The following UMODL1 variants were observed in gnomAD, a reference collection of about 807,000 sequenced individuals.
UMODL1 encodes the protein uromodulin-like 1.
A neutral mutation model predicts 136.3 loss-of-function variants in UMODL1; 128 were observed. That is an observed-to-expected ratio of 0.94 (90% CI 0.81 to 1.09). The LOEUF (loss-of-function observed/expected upper bound fraction) is 1.09. UMODL1 is among the 50% of genes least tolerant of loss of function. The pLI is 0.00. For missense variants in UMODL1, 1,766 were observed against 1,725.6 expected (o/e 1.02, Z -0.41); for synonymous variants, 721 against 720.0 (o/e 1.00, Z -0.02).
chr21:42,113,455 C>G (rs551807793), intron 12 of UMODL1, 118 bp from the exon 13 acceptor site: 1 of 1,304,486 alleles, frequency 7.7e-7, no homozygotes, highest in East Asian at 2.4e-5. Flanking sequence ...CGGCGGCCAT[C>G]ACCTGCAAAT....
intron 14 of UMODL1, among the ~76,000 whole-genome samples, chr21:42,117,489 G>A (rs1016706526): frequency 2.0e-5 from 3 of 152,208 alleles, no homozygotes; most frequent in Non-Finnish European, 4.4e-5. Context: ...TTAGTGACAT[G>A]CCTTCTTGTG....
Position 42,126,987 on chromosome 21 carries a change from A to G in UMODL1, c.3294-19A>G. Reference sequence around the variant, plus strand: ...GCGCCTCCTGAAACATGCCTCCTGCAAGCTGCTTCCTCTTGCAGGGTTTAC... The same window carrying G: ...GCGCCTCCTGAAACATGCCTCCTGCGAGCTGCTTCCTCTTGCAGGGTTTAC... On this transcript the variant is annotated intron_variant, in intron 18 of 22. Transcript: ENST00000408910. 1 of 1,606,680 alleles carries G rather than the reference A, an allele frequency of 6.2e-7. No individual in the cohort carries two copies. The highest frequency in any genetic ancestry group is 8.5e-7 in the Non-Finnish European group (1 of 1,173,210).
intron 2 of UMODL1, among the ~76,000 whole-genome samples, chr21:42,080,444 A>G (rs568929517): frequency 6.6e-6 from 1 of 152,272 alleles, no homozygotes; most frequent in African/African-American, 2.4e-5. Context: ...TCCCCCAGAC[A>G]GTGGTAAAAT....
intron 9 of UMODL1, chr21:42,108,149 T>A (rs1601231523): frequency 2.5e-6 from 1 of 393,932 alleles, no homozygotes; most frequent in East Asian, 7.3e-5. Flanking sequence ...GAGTGAAGAT[T>A]AGGTGAATCA....
At chr21:42,104,212 T>C in intron 9 of UMODL1, 125 bp downstream of exon 9, 26 of 1,067,814 alleles carry the variant, frequency 2.4e-5, no homozygotes, top group Non-Finnish European at 3.4e-5. Context: ...TTATTCTATC[T>C]TCCTCCACCG....
At chr21:42,063,706 C>T (rs2066159918) in intron 1 of UMODL1, among the ~76,000 whole-genome samples, 1 of 152,214 alleles carries the variant, frequency 6.6e-6, no homozygotes, top group Admixed American at 6.5e-5. Flanking sequence ...GTGAACATTG[C>T]TCCCAACTGG....
intron 5 of UMODL1, 48 bp from the exon 6 acceptor site, chr21:42,090,250 G>C (rs528383146): frequency 5.6e-6 from 9 of 1,609,918 alleles, no homozygotes; most frequent in Non-Finnish European, 7.6e-6. Context: ...TGAAGATGAC[G>C]AGGTAGCTGC....
intron 16 of UMODL1, among the ~76,000 whole-genome samples, chr21:42,121,608 C>T (rs1290055907): frequency 6.6e-6 from 1 of 152,224 alleles, no homozygotes; most frequent in East Asian, 1.9e-4. Context: ...TCCTCTTGGC[C>T]ACTCTTTCCA....
At chr21:42,098,880 G>T in intron 6 of UMODL1, 46 bp from the exon 7 acceptor site, 1 of 1,600,628 alleles carries the variant, frequency 6.2e-7, no homozygotes, top group Non-Finnish European at 8.5e-7. Flanking sequence ...AGAGAAAGCC[G>T]CCCTCACTGA....
At chr21:42,075,409 G>A (rs76687752) in intron 1 of UMODL1, among the ~76,000 whole-genome samples, 61 of 152,232 alleles carry the variant, frequency 4.0e-4, no homozygotes, top group African/African-American at 1.3e-3. Flanking sequence ...GCCACAGAGC[G>A]ACCGCACTCC....
chr21:42,099,355 C>T lies in UMODL1; in HGVS notation c.1186+175C>T, dbSNP rs990082788. Reference sequence around the variant, plus strand: ...TCCCACTGCCTGCCCGGCATTGCACCGGCCCGCTGGTGCCTTCACTGGCTC... The same window carrying T: ...TCCCACTGCCTGCCCGGCATTGCACTGGCCCGCTGGTGCCTTCACTGGCTC... On this transcript the variant is annotated intron_variant, in intron 7 of 22. Transcript: ENST00000408910. This position sits in a 1 kb window ranked among gnomAD's most constrained non-coding sequence, Gnocchi z 4.1. 7.9e-5 allele frequency among the ~76,000 whole-genome samples: 12 copies of T among 152,210 alleles called. No individual in the cohort carries two copies. Among genetic ancestry groups the T allele is most frequent in the Non-Finnish European group, 1.2e-4 (8 of 68,040 alleles).
intron 16 of UMODL1, 24 bp downstream of exon 16, chr21:42,121,248 T>A (rs1030671767): frequency 6.3e-7 from 1 of 1,598,654 alleles, no homozygotes; most frequent in Non-Finnish European, 8.5e-7. Flanking sequence ...AGTTTCTTCT[T>A]CTGGAATACT....
intron 6 of UMODL1, among the ~76,000 whole-genome samples, chr21:42,098,378 T>A (rs1259319045): frequency 6.6e-6 from 1 of 152,070 alleles, no homozygotes; most frequent in African/African-American, 2.4e-5. Flanking sequence ...CCTAATGCAA[T>A]CCTGAGCTAC....
At chr21:42,084,012 G>A (rs1364272055) in intron 2 of UMODL1, 72 bp from the exon 3 acceptor site, 29 of 1,558,822 alleles carry the variant, frequency 1.9e-5, no homozygotes, top group Middle Eastern at 3.4e-4. Flanking sequence ...AAGCACCGAC[G>A]TGAGGTCCCC....
At chr21:42,088,531 A>G (rs772661993) in intron 5 of UMODL1, 51 bp downstream of exon 5, 16 of 1,524,208 alleles carry the variant, frequency 1.0e-5, no homozygotes, top group Non-Finnish European at 8.9e-7. Context: ...GTGGTGCCTG[A>G]ACAGCCAAAA....
In UMODL1 at chr21:42,123,393, G is replaced by A. The variant is rs114969506; in HGVS notation, c.3147+243G>A. The stretch of plus-strand genomic sequence containing the variant: ...GTGCTGGGGCAGGCTTCAGAGTCAC[G>A]GCTTAAAACTCCTCCCTGCACAGAC... On this transcript the variant is annotated intron_variant, in intron 17 of 22. Coordinates refer to ENST00000408910, the MANE Select transcript of UMODL1 (RefSeq NM_001004416.3). This position sits in a 1 kb window ranked among gnomAD's most constrained non-coding sequence, Gnocchi z 4.4. Among the ~76,000 whole-genome samples, 6 of 152,308 alleles carry A rather than the reference G, an allele frequency of 3.9e-5. No individual in the cohort carries two copies. Among genetic ancestry groups the A allele is most frequent in the African/African-American group, 1.2e-4 (5 of 41,566 alleles).
intron 14 of UMODL1, 48 bp from the exon 15 acceptor site, chr21:42,119,063 G>A: frequency 6.3e-7 from 1 of 1,585,542 alleles, no homozygotes; most frequent in Non-Finnish European, 8.6e-7. Flanking sequence ...ACGGGCATCT[G>A]TTTCCTCTCA....
At chr21:42,105,790 G>A (rs148344774) in intron 9 of UMODL1, among the ~76,000 whole-genome samples, 1,700 of 152,292 alleles carry the variant, frequency 0.011, 30 homozygotes, top group African/African-American at 0.039. Context: ...TTTGGACTTC[G>A]CCTCCGGAAC....
intron 7 of UMODL1, among the ~76,000 whole-genome samples, chr21:42,100,572 A>G (rs548299794): frequency 6.6e-6 from 1 of 152,006 alleles, no homozygotes; most frequent in Admixed American, 6.5e-5. Context: ...TTTCCAAAGT[A>G]CACCAGGACT....
Sources: allele counts gnomAD v4.1 joint callset (sites outside exome capture counted in the v4.1 genomes callset), GRCh38; gene constraint gnomAD v4.1.1; non-coding constraint Gnocchi (gnomAD v3.1); transcripts MANE v1.5; gene names NCBI Gene and HGNC (gene_info 2026-07-23, HGNC 2026-07-21).